Variants in MEI4 observed in about 807,000 individuals in gnomAD.
The protein encoded by MEI4 is meiotic double-stranded break formation protein 4.
MEI4 carries 27 observed loss-of-function variants against 31.4 expected under a neutral mutation model. That is an observed-to-expected ratio of 0.86 (90% CI 0.63 to 1.19). MEI4 has a LOEUF of 1.19. Among genes scored for constraint, MEI4 ranks in the 50% most tolerant of loss-of-function variants. MEI4 has a pLI of 0.00. For missense variants in MEI4, 329 were observed against 398.9 expected, an observed-to-expected ratio of 0.82 and a Z score of 1.49; for synonymous variants, 122 against 145.4, an observed-to-expected ratio of 0.84 and a Z score of 1.16.
chr6:77,745,704 G>A (rs975144151), intron 2 of MEI4, among the ~76,000 whole-genome samples: 1 of 151,924 alleles, frequency 6.6e-6, no homozygotes, highest in Non-Finnish European at 1.5e-5. Context: ...TTCCAAAATT[G>A]ACCACATACT....
chr6:77,736,590 G>A lies in MEI4; in HGVS notation c.233-24540G>A, dbSNP rs573454882. ...TCAGATGGAAATGCAGAAATCATTCGTCTTCTGCGTCGCTCATGCTGGGAG... is the reference window on the plus strand; with the variant it reads ...TCAGATGGAAATGCAGAAATCATTCATCTTCTGCGTCGCTCATGCTGGGAG... On this transcript the variant is annotated intron_variant, in intron 2 of 4. Transcript: ENST00000684080. Among the ~76,000 whole-genome samples, 133 of 152,132 alleles carry A rather than the reference G, an allele frequency of 8.7e-4. 1 individual carries two copies. The highest frequency in any genetic ancestry group is 1.9e-3 in the African/African-American group (78 of 41,438).
rs764166067 is a variant in MEI4, at chr6:77,925,089, A to G, written c.*1743A>G. ...GACACCTTCATCTTCTTTCATTGTG[A>G]TTAAACAAGATTGGTAAATACACAA... is the stretch of plus-strand genomic sequence containing the variant. On this transcript the variant is annotated 3_prime_UTR_variant, in exon 5 of 5. Coordinates refer to ENST00000684080, the MANE Select transcript of MEI4 (RefSeq NM_001322247.2). 1.3e-5 allele frequency: 2 copies of G among 151,840 alleles called. No homozygotes were observed. Among genetic ancestry groups the G allele is most frequent in the African/African-American group, 2.4e-5 (1 of 41,404 alleles). The allele number at this position is 151,840 out of a possible 1,614,324, so 9.4% of individuals were successfully genotyped here.
At chr6:77,835,710 G>A (rs1472846921) in intron 4 of MEI4, among the ~76,000 whole-genome samples, 2 of 152,030 alleles carry the variant, frequency 1.3e-5, no homozygotes, top group Non-Finnish European at 2.9e-5. Context: ...AAGGAGATCT[G>A]TATAAGGATG....
chr6:77,794,419 C>T (rs1209790265), intron 3 of MEI4, among the ~76,000 whole-genome samples: 2 of 151,790 alleles, frequency 1.3e-5, no homozygotes, highest in African/African-American at 2.4e-5. Context: ...AAATATTAGC[C>T]GGGTGTGGTG....
At chr6:77,699,381 AT>A (rs200123714) in intron 2 of MEI4, among the ~76,000 whole-genome samples, 3,118 of 150,586 alleles carry the variant, frequency 0.021, 102 homozygotes, top group African/African-American at 0.068. Context: ...TTTAGTAGAG[AT>A]GGGGTTTCAC....
At chr6:77,671,936 G>A (rs1209063189) in intron 1 of MEI4, among the ~76,000 whole-genome samples, 1 of 152,156 alleles carries the variant, frequency 6.6e-6, no homozygotes, top group African/African-American at 2.4e-5. Context: ...TCATAAATCT[G>A]CCTAAAGTGG....
chr6:77,863,531 G>A lies in MEI4; in HGVS notation c.900+34469G>A, dbSNP rs973305279. Among the ~76,000 whole-genome samples the A allele has an allele frequency of 5.3e-5, 8 of 151,808 alleles. No individual in the cohort carries two copies. In the East Asian group the frequency reaches 9.6e-4, roughly 18 times the overall value. On this transcript the variant is annotated intron_variant, in intron 4 of 4. Transcript: ENST00000684080. ...AATGAAGCGAGAAGAAAAGTTTAGA[G>A]AAAAAAGAAAAAAAGAAATGAACAA...
chr6:77,834,678 T>C (rs971947481), intron 4 of MEI4, among the ~76,000 whole-genome samples: 1 of 152,078 alleles, frequency 6.6e-6, no homozygotes, highest in Non-Finnish European at 1.5e-5. Context: ...CCCGATCAGA[T>C]AGTGAGGCTC....
chr6:77,734,072 T>A (rs1767101613), intron 2 of MEI4, among the ~76,000 whole-genome samples: 1 of 152,048 alleles, frequency 6.6e-6, no homozygotes, highest in South Asian at 2.1e-4. Flanking sequence ...TTGGAATAGG[T>A]GTGGTGTGGT....
At chr6:77,834,148 A>G (rs1386431039) in intron 4 of MEI4, among the ~76,000 whole-genome samples, 1 of 152,074 alleles carries the variant, frequency 6.6e-6, no homozygotes, top group East Asian at 1.9e-4. Context: ...CCTTCTTCTA[A>G]CTTGCTTTCA....
chr6:77,795,155 A>G (rs1213270777), intron 3 of MEI4, among the ~76,000 whole-genome samples: 1 of 152,200 alleles, frequency 6.6e-6, no homozygotes. Flanking sequence ...TACACCTAAA[A>G]TAACTAGAAA....
intron 2 of MEI4, among the ~76,000 whole-genome samples, chr6:77,732,677 G>A (rs1007675918): frequency 2.0e-5 from 3 of 152,026 alleles, no homozygotes; most frequent in African/African-American, 7.3e-5. Flanking sequence ...GAATAGGAGT[G>A]GTGAGAGAGG....
At chr6:77,833,693 T>TG (rs141744546) in intron 4 of MEI4, among the ~76,000 whole-genome samples, 1,848 of 152,302 alleles carry the variant, frequency 0.012, 43 homozygotes, top group African/African-American at 0.042. Flanking sequence ...TAGGTATACA[T>TG]GCGCCATGGT....
chr6:77,917,188 G>A (rs1581979454), intron 4 of MEI4, among the ~76,000 whole-genome samples: 1 of 151,990 alleles, frequency 6.6e-6, no homozygotes, highest in East Asian at 1.9e-4. Flanking sequence ...CATTTGGCTT[G>A]GTTCCAAGTC....
At chr6:77,684,704 T>C (rs186707978) in intron 1 of MEI4, among the ~76,000 whole-genome samples, 1 of 152,252 alleles carries the variant, frequency 6.6e-6, no homozygotes, top group African/African-American at 2.4e-5. Context: ...TGTGGCTGAA[T>C]ATAGTACTCC....
At chr6:77,898,501 G>T (rs1040984162) in intron 4 of MEI4, among the ~76,000 whole-genome samples, 1 of 151,892 alleles carries the variant, frequency 6.6e-6, no homozygotes, top group South Asian at 2.1e-4. Flanking sequence ...ATGTTATATG[G>T]CTGTGCTCCT....
At chr6:77,873,305 TGAGATGG>T (rs1771245074) in intron 4 of MEI4, among the ~76,000 whole-genome samples, 1 of 152,212 alleles carries the variant, frequency 6.6e-6, no homozygotes. Flanking sequence ...CTAACTGGAG[TGAGATGG>T]TACCTCATTG....
chr6:77,851,204 T>A (rs1222259025), intron 4 of MEI4, among the ~76,000 whole-genome samples: 5 of 152,174 alleles, frequency 3.3e-5, no homozygotes, highest in Admixed American at 1.3e-4. Context: ...GTAAACTAGT[T>A]CAACCATTGT....
In MEI4 at chr6:77,924,491, T is replaced by TATC. The variant is rs371928257; in HGVS notation, c.*1147_*1149dup. On this transcript the variant is annotated 3_prime_UTR_variant, in exon 5 of 5. Transcript: ENST00000684080. The stretch of plus-strand genomic sequence containing the variant: ...GATAGATAATCAATCACAAAATATC[T>TATC]ATCAGTGGCATACAACAATAATATT... 1.1e-4 allele frequency: 16 copies of TATC among 151,802 alleles called. No individual in the cohort carries two copies. Among genetic ancestry groups the TATC allele is most frequent in the African/African-American group, 3.9e-4 (16 of 41,382 alleles). The allele number at this position is 151,802 out of a possible 1,614,324, so 9.4% of individuals were successfully genotyped here. A position where few individuals can be genotyped will look rare whatever the true frequency, so the allele number is the denominator to read the frequency against.
Sources: allele counts gnomAD v4.1 joint callset (sites outside exome capture counted in the v4.1 genomes callset), GRCh38; gene constraint gnomAD v4.1.1; transcripts MANE v1.5; gene names NCBI Gene and HGNC (gene_info 2026-07-23, HGNC 2026-07-21).